Variants in PSMD14 observed in about 807,000 individuals in gnomAD.
PSMD14 encodes proteasome 26S subunit, non-ATPase 14.
PSMD14 carries 7 observed loss-of-function variants against 41.2 expected under a neutral mutation model. The ratio of observed to expected loss-of-function variants is 0.17; its 90% CI spans 0.10 to 0.32. The LOEUF is 0.32. Among genes scored for constraint, PSMD14 ranks in the 10% least tolerant of loss-of-function variants. PSMD14 has a pLI of 1.00. For synonymous variants in PSMD14, 114 were observed against 122.3 expected (o/e 0.93, Z 0.45); for missense variants, 139 against 375.6 (o/e 0.37, Z 5.21).
intron 3 of PSMD14, among the ~76,000 whole-genome samples, chr2:161,321,392 C>T (rs937672449): frequency 1.5e-4 from 23 of 152,272 alleles, no homozygotes; most frequent in African/African-American, 2.4e-4. Context: ...ATGATCTATA[C>T]GAATAACCCA....
chr2:161,332,315 C>T (rs1015589461), intron 3 of PSMD14, among the ~76,000 whole-genome samples: 1 of 152,096 alleles, frequency 6.6e-6, no homozygotes. Context: ...TACTTTTTTA[C>T]GTCTTTAAAA....
chr2:161,411,571 TAGTC>T lies in PSMD14; in HGVS notation c.*174_*177del, dbSNP rs1684026325. Reference sequence around the variant, plus strand: ...AGTTGTGCAATTACTTCTGTTTCTTTAGTCAGGGTCTTTGCAGATTCTAAAGTTA... The same window carrying T: ...AGTTGTGCAATTACTTCTGTTTCTTTAGGGTCTTTGCAGATTCTAAAGTTA... On this transcript the variant is annotated 3_prime_UTR_variant, in exon 12 of 12. Transcript: ENST00000409682. The T allele has an allele frequency of 2.5e-6, 1 of 403,256 alleles. No individual in the cohort carries two copies. 25.0% of individuals were successfully genotyped at this position (403,256 alleles called of 1,614,324 possible).
chr2:161,389,312 C>A (rs577068669), intron 8 of PSMD14, among the ~76,000 whole-genome samples: 1 of 152,310 alleles, frequency 6.6e-6, no homozygotes, highest in Non-Finnish European at 1.5e-5. Context: ...GCTCAAGCTC[C>A]ACTCTCTACG....
intron 3 of PSMD14, among the ~76,000 whole-genome samples, chr2:161,323,549 G>C (rs1682642013): frequency 6.6e-6 from 1 of 152,078 alleles, no homozygotes; most frequent in South Asian, 2.1e-4. Flanking sequence ...TGTAATCCCA[G>C]CTACTCAGGA....
chr2:161,367,601 T>C (rs1006617074), intron 4 of PSMD14, 52 bp downstream of exon 4: 2 of 1,485,106 alleles, frequency 1.3e-6, no homozygotes, highest in Admixed American at 2.0e-5. Context: ...GCTTTCACTG[T>C]ATCTTTTACT....
At chr2:161,357,704 T>G (rs1385445674) in intron 3 of PSMD14, among the ~76,000 whole-genome samples, 1 of 152,166 alleles carries the variant, frequency 6.6e-6, no homozygotes, top group African/African-American at 2.4e-5. Flanking sequence ...AATATTCAGA[T>G]GTTTCTTATT....
chr2:161,355,509 A>G (rs1683183041), intron 3 of PSMD14, among the ~76,000 whole-genome samples: 2 of 152,152 alleles, frequency 1.3e-5, no homozygotes, highest in Non-Finnish European at 2.9e-5. Context: ...AAAGCAATGC[A>G]TCATTATTTT....
At chr2:161,341,325 A>G (rs1168309215) in intron 3 of PSMD14, 7 of 1,015,410 alleles carry the variant, frequency 6.9e-6, no homozygotes, top group Non-Finnish European at 8.2e-6. Context: ...CGGCGCCTCC[A>G]TCGCGCCGCG....
At chr2:161,355,633 T>C (rs1462907796) in intron 3 of PSMD14, among the ~76,000 whole-genome samples, 2 of 152,166 alleles carry the variant, frequency 1.3e-5, no homozygotes, top group African/African-American at 4.8e-5. Flanking sequence ...ATTTGGACTT[T>C]TTTGGCAACC....
chr2:161,351,858 C>T (rs1683122649), intron 3 of PSMD14, among the ~76,000 whole-genome samples: 1 of 152,120 alleles, frequency 6.6e-6, no homozygotes, highest in Non-Finnish European at 1.5e-5. Context: ...ATTTTATTGG[C>T]TGAAGAGGGT....
At chr2:161,354,096 A>G (rs1027718228) in intron 3 of PSMD14, among the ~76,000 whole-genome samples, 2 of 152,176 alleles carry the variant, frequency 1.3e-5, no homozygotes, top group African/African-American at 4.8e-5. Context: ...AACAATTCTG[A>G]TACCTCAGTG....
intron 3 of PSMD14, among the ~76,000 whole-genome samples, chr2:161,362,857 G>T (rs1019165977): frequency 6.6e-6 from 1 of 152,160 alleles, no homozygotes; most frequent in Non-Finnish European, 1.5e-5. Context: ...CCTCACATAT[G>T]ATGGTCCCAA....
intron 7 of PSMD14, among the ~76,000 whole-genome samples, chr2:161,375,844 C>T (rs1253982595): frequency 1.3e-5 from 2 of 151,312 alleles, no homozygotes; most frequent in Admixed American, 6.6e-5. Flanking sequence ...CGAGCCTGTG[C>T]GACATGATGA....
intron 10 of PSMD14, among the ~76,000 whole-genome samples, chr2:161,398,082 TC>T (rs916845146): frequency 3.3e-5 from 5 of 152,182 alleles, no homozygotes; most frequent in African/African-American, 1.2e-4. Flanking sequence ...CAGAAGTTTT[TC>T]CTATTTTACA....
intron 10 of PSMD14, among the ~76,000 whole-genome samples, chr2:161,403,703 T>G (rs1269678688): frequency 2.0e-5 from 3 of 152,016 alleles, no homozygotes; most frequent in Non-Finnish European, 4.4e-5. Context: ...ACTGAGTAAT[T>G]TGCAGTTCTT....
intron 3 of PSMD14, among the ~76,000 whole-genome samples, chr2:161,324,651 G>A (rs915430103): frequency 4.7e-5 from 7 of 147,576 alleles, no homozygotes; most frequent in Non-Finnish European, 1.0e-4. Flanking sequence ...TTTTTTTGAA[G>A]TATGAAGATT....
chr2:161,362,676 T>C (rs1296368859), intron 3 of PSMD14, among the ~76,000 whole-genome samples: 4 of 152,256 alleles, frequency 2.6e-5, no homozygotes, highest in Non-Finnish European at 4.4e-5. Context: ...ATTTGCTTCA[T>C]TGTTTTCTGC....
rs193118350 is a variant in PSMD14, at chr2:161,352,831, A to G, written c.49-14647A>G. ...AAAATGTAAAGCAAGATACACACAA[A>G]CAGGAAGGTTATTTGTATTCTGTGT... On this transcript the variant is annotated intron_variant, in intron 3 of 11. Coordinates refer to ENST00000409682, the MANE Select transcript of PSMD14 (RefSeq NM_005805.6). 2.8e-3 allele frequency among the ~76,000 whole-genome samples: 420 copies of G among 152,326 alleles called. 2 individuals are homozygous for G. Among genetic ancestry groups the G allele is most frequent in the African/African-American group, 9.8e-3 (409 of 41,582 alleles).
chr2:161,410,457 A>G (rs1387331714), intron 11 of PSMD14, among the ~76,000 whole-genome samples: 2 of 152,010 alleles, frequency 1.3e-5, no homozygotes, highest in Non-Finnish European at 2.9e-5. Context: ...TAATTTTTCT[A>G]TTGTGTATAA....
Sources: gnomAD v4.1 joint callset for allele counts (sites outside exome capture counted in the v4.1 genomes callset) on GRCh38, gnomAD v4.1.1 for gene constraint, MANE v1.5 for transcripts, NCBI Gene and HGNC (gene_info 2026-07-23, HGNC 2026-07-21) for gene names.